NFASC: variants seen among roughly 807,000 people sequenced by gnomAD.
NFASC encodes the protein neurofascin.
NFASC carries 43 observed loss-of-function variants against 147.5 expected under a neutral mutation model. The ratio of observed to expected loss-of-function variants is 0.29; its 90% CI spans 0.23 to 0.38. NFASC has a LOEUF of 0.38. Among genes scored for constraint, NFASC ranks in the 10% least tolerant of loss-of-function variants. The pLI, the probability that NFASC is intolerant of heterozygous loss-of-function variation, is 1.00. For synonymous variants in NFASC, 622 were observed against 665.5 expected, an observed-to-expected ratio of 0.93 and a Z score of 1.01; for missense variants, 1,320 against 1,689.0, an observed-to-expected ratio of 0.78 and a Z score of 3.83.
At chr1:204,898,242 G>A (rs1558024346) in intron 1 of NFASC, among the ~76,000 whole-genome samples, 1 of 152,144 alleles carries the variant, frequency 6.6e-6, no homozygotes, top group East Asian at 1.9e-4. Context: ...ATATACAGCT[G>A]ATAAAATTTT....
intron 1 of NFASC, among the ~76,000 whole-genome samples, chr1:204,900,492 T>C (rs979726316): frequency 6.6e-6 from 1 of 152,242 alleles, no homozygotes; most frequent in African/African-American, 2.4e-5. Flanking sequence ...CCACCTTCTA[T>C]AGACTGAACA....
Position 204,986,363 on chromosome 1 carries a change from G to A in NFASC, c.2471-1055G>A, listed in dbSNP as rs183885265. ...GAGGTCTGCTGACATAATTCCAGACGGGTTATGCAGACTGATCCCCGAGGG... is the reference window on the plus strand; with the variant it reads ...GAGGTCTGCTGACATAATTCCAGACAGGTTATGCAGACTGATCCCCGAGGG... On this transcript the variant is annotated intron_variant, in intron 21 of 29. Coordinates refer to ENST00000339876, the MANE Select transcript of NFASC (RefSeq NM_001005388.3). The surrounding 1 kb of genome is among the most constrained non-coding windows in gnomAD (Gnocchi z 4.2). Among the ~76,000 whole-genome samples the A allele has an allele frequency of 7.5e-4, 115 of 152,338 alleles. 1 individual carries two copies. In the East Asian group the frequency reaches 0.017, roughly 23 times the overall value.
intron 3 of NFASC, among the ~76,000 whole-genome samples, chr1:204,948,395 C>G (rs2093916590): frequency 6.6e-6 from 1 of 152,192 alleles, no homozygotes; most frequent in East Asian, 1.9e-4. Context: ...CAAGTAGATT[C>G]TCCAGAGGTC....
At chr1:204,841,483 A>G (rs1404385633) in intron 1 of NFASC, among the ~76,000 whole-genome samples, 1 of 152,204 alleles carries the variant, frequency 6.6e-6, no homozygotes, top group Non-Finnish European at 1.5e-5. Context: ...TTAGGATCTG[A>G]CAGCATGGGA....
Position 204,828,742 on chromosome 1 carries a change from A to G in NFASC, c.-240A>G, listed in dbSNP as rs1440950297. The G allele has an allele frequency of 1.0e-6, 1 of 985,814 alleles. No individual in the cohort carries two copies. The highest frequency in any genetic ancestry group is 1.2e-6 in the Non-Finnish European group (1 of 830,464). 61.1% of individuals were successfully genotyped at this position (985,814 alleles called of 1,614,324 possible). A position where few individuals can be genotyped will look rare whatever the true frequency, so the allele number is the denominator to read the frequency against. On this transcript the variant is annotated 5_prime_UTR_variant, in exon 1 of 30. Coordinates refer to ENST00000339876, the MANE Select transcript of NFASC (RefSeq NM_001005388.3). The stretch of plus-strand genomic sequence containing the variant: ...GGAAGTGGCGGCGCCGGCAGCGGAC[A>G]GCTCGGACAGCGCCCAGGGCCGGAG...
rs182316082 is a variant in NFASC at position 204,944,736 on chromosome 1, G to A, written c.91+330G>A. ...GTTTTTCCCTCTGCTCACCTCTCCAGGTCCTCTGTGGTCTTGACTTGCCCA... is the reference window on the plus strand; with the variant it reads ...GTTTTTCCCTCTGCTCACCTCTCCAAGTCCTCTGTGGTCTTGACTTGCCCA... On this transcript the variant is annotated intron_variant, in intron 3 of 29. Transcript: ENST00000339876. 1.5e-3 allele frequency: 441 copies of A among 299,672 alleles called. 1 individual carries two copies. Among genetic ancestry groups the A allele is most frequent in the Admixed American group, 5.1e-3 (102 of 20,168 alleles). 18.6% of individuals were successfully genotyped at this position (299,672 alleles called of 1,614,324 possible).
rs1365792255 is a variant in NFASC at position 205,020,575 on chromosome 1, T to C, written c.*4036T>C. The C allele has an allele frequency of 6.6e-6, 1 of 151,684 alleles. No homozygotes were observed. Among genetic ancestry groups the C allele is most frequent in the Non-Finnish European group, 1.5e-5 (1 of 67,944 alleles). 9.4% of individuals were successfully genotyped at this position (151,684 alleles called of 1,614,324 possible). ...AGAGAGAGCATCTGAGCTGAAGGAG[T>C]GGGAAACTTTGCCCAAGCAATGGCA... On this transcript the variant is annotated 3_prime_UTR_variant, in exon 30 of 30. Coordinates refer to ENST00000339876, the MANE Select transcript of NFASC (RefSeq NM_001005388.3).
chr1:204,970,515 G>T, intron 10 of NFASC, 101 bp from the exon 11 acceptor site: 25 of 1,387,104 alleles, frequency 1.8e-5, no homozygotes, highest in Non-Finnish European at 2.5e-5. Context: ...ACGTGGTGCT[G>T]GGACTCAGGG....
chr1:204,841,871 C>G (rs539679902), intron 1 of NFASC, among the ~76,000 whole-genome samples: 6 of 152,266 alleles, frequency 3.9e-5, no homozygotes, highest in Admixed American at 3.3e-4. Flanking sequence ...TGCTCTCCTC[C>G]TGTCCACCCC....
chr1:204,936,063 G>A (rs113347847), intron 2 of NFASC, among the ~76,000 whole-genome samples: 1 of 152,136 alleles, frequency 6.6e-6, no homozygotes, highest in South Asian at 2.1e-4. Flanking sequence ...TGGGAGGGGG[G>A]TCCTGAGTCC....
chr1:204,846,621 A>G (rs962572171), intron 1 of NFASC, among the ~76,000 whole-genome samples: 33 of 152,096 alleles, frequency 2.2e-4, no homozygotes, highest in African/African-American at 7.0e-4. Flanking sequence ...TAATCCACCC[A>G]ATGTAAGACC....
chr1:204,976,210 CTA>C (rs34566896), intron 15 of NFASC, among the ~76,000 whole-genome samples: 22,692 of 152,146 alleles, frequency 0.15, 1,853 homozygotes, highest in Non-Finnish European at 0.19. Flanking sequence ...CCTCCCCTCT[CTA>C]TAGGAGACAG....
At chr1:204,873,659 A>G (rs1237031451) in intron 1 of NFASC, among the ~76,000 whole-genome samples, 2 of 149,594 alleles carry the variant, frequency 1.3e-5, no homozygotes, top group Non-Finnish European at 3.0e-5. Context: ...TGTGCTAGGG[A>G]CAGCTGCTGG....
Position 204,944,390 on chromosome 1 carries a change from C to G in NFASC, c.75C>G (p.Ile25Met). Residue 25 changes from isoleucine (I) to methionine (M), a missense_variant, in exon 3 of 30, where the codon ATC becomes ATG. By Grantham distance (10) the Ile-to-Met change is conservative (BLOSUM62 1). This residue lies in a region of NFASC where 981 missense variants were observed against 1,289.5 expected (regional missense o/e 0.76). Coordinates refer to ENST00000339876, the MANE Select transcript of NFASC (RefSeq NM_001005388.3). Reference sequence around the variant, plus strand: ...GCCTCCTCAGTCTTGGCGGAGCCATCGAAATTCCTATGGATCGTGAGTCCT... The same window carrying G: ...GCCTCCTCAGTCTTGGCGGAGCCATGGAAATTCCTATGGATCGTGAGTCCT... ...LLCLLSLGGA[I>M]EIPMDPSIQN... The G allele has an allele frequency of 3.1e-6, 5 of 1,599,262 alleles. No individual in the cohort carries two copies. Among genetic ancestry groups the G allele is most frequent in the Non-Finnish European group, 4.3e-6 (5 of 1,171,974 alleles).
intron 2 of NFASC, among the ~76,000 whole-genome samples, chr1:204,935,973 C>T (rs1198861771): frequency 6.6e-6 from 1 of 152,166 alleles, no homozygotes; most frequent in East Asian, 1.9e-4. Context: ...TCTTCCTTCA[C>T]TCAACAGTCT....
In NFASC at chr1:205,016,038, C is replaced by T. The variant is rs1207705923; in HGVS notation, c.3492-270C>T. Among the ~76,000 whole-genome samples the T allele has an allele frequency of 1.3e-5, 2 of 152,150 alleles. No individual in the cohort carries two copies. The highest frequency in any genetic ancestry group is 1.9e-4 in the East Asian group (1 of 5,166). ...TCCACCACACACAGGGACCCAATCT[C>T]ATGGAAAAGACCCAGAACAGGAGCC... On this transcript the variant is annotated intron_variant, in intron 29 of 29. Transcript: ENST00000339876. The surrounding 1 kb of genome is among the most constrained non-coding windows in gnomAD (Gnocchi z 5.1).
intron 3 of NFASC, among the ~76,000 whole-genome samples, chr1:204,947,768 A>G (rs530424988): frequency 7.9e-5 from 12 of 152,066 alleles, no homozygotes; most frequent in Non-Finnish European, 1.5e-4. Context: ...AGGGGACAGC[A>G]TTTTCCTCCC....
rs548736488 is a variant in NFASC, at chr1:204,962,832, G to A, written c.706+5006G>A. 5.9e-5 allele frequency among the ~76,000 whole-genome samples: 9 copies of A among 152,282 alleles called. 1 individual carries two copies. The highest frequency in any genetic ancestry group is 1.9e-4 in the African/African-American group (8 of 41,540). ...CAAATGCCCACCAGTCCACACTTGC[G>A]AGACATGGAACAATTACAATGAGGC... is the stretch of plus-strand genomic sequence containing the variant. On this transcript the variant is annotated intron_variant, in intron 8 of 29. Transcript: ENST00000339876.
At chr1:204,863,301 T>C (rs908982823) in intron 1 of NFASC, among the ~76,000 whole-genome samples, 6 of 152,370 alleles carry the variant, frequency 3.9e-5, no homozygotes, top group South Asian at 2.1e-4. Context: ...AACTGTTTCA[T>C]GTCTTTGTCT....
Sources: allele counts gnomAD v4.1 joint callset (sites outside exome capture counted in the v4.1 genomes callset), GRCh38; gene constraint gnomAD v4.1.1; regional missense constraint gnomAD v4.1.1; non-coding constraint Gnocchi (gnomAD v3.1); transcripts MANE v1.5; gene names NCBI Gene and HGNC (gene_info 2026-07-23, HGNC 2026-07-21).